USP12: variants seen among roughly 807,000 people sequenced by gnomAD.
USP12 encodes ubiquitin carboxyl-terminal hydrolase 12.
Under a neutral mutation model 45.5 loss-of-function variants are expected in USP12, and 19 were observed. That is an observed-to-expected ratio of 0.42 (90% CI 0.29 to 0.61). USP12 has a LOEUF of 0.61. Ranked by LOEUF, USP12 falls within the 20% of genes least tolerant of loss-of-function variation. The pLI, the probability that USP12 is intolerant of heterozygous loss-of-function variation, is 0.22. For missense variants in USP12, 242 were observed against 447.7 expected (o/e 0.54, Z 4.15); for synonymous variants, 149 against 148.8 (o/e 1.00, Z -0.01).
chr13:27,096,351 G>A (rs1874582373), intron 3 of USP12, among the ~76,000 whole-genome samples: 1 of 152,170 alleles, frequency 6.6e-6, no homozygotes, highest in African/African-American at 2.4e-5. Flanking sequence ...TGTAGAGTCA[G>A]GTTTAAGAAT....
intron 3 of USP12, among the ~76,000 whole-genome samples, chr13:27,098,366 T>TTA (rs1555234105): frequency 1.3e-5 from 2 of 150,194 alleles, no homozygotes; most frequent in Middle Eastern, 3.4e-3. Context: ...ACAGAATATT[T>TTA]AAAAAAAAAC....
intron 1 of USP12, among the ~76,000 whole-genome samples, chr13:27,158,604 A>G (rs745690203): frequency 2.0e-4 from 30 of 152,182 alleles, no homozygotes; most frequent in Non-Finnish European, 4.3e-4. Flanking sequence ...ACTGTACTGG[A>G]TCCTGTAGGT....
intron 1 of USP12, among the ~76,000 whole-genome samples, chr13:27,147,763 A>G (rs998922772): frequency 2.6e-5 from 4 of 151,054 alleles, no homozygotes; most frequent in Non-Finnish European, 4.4e-5. Flanking sequence ...CAAAGAAAGG[A>G]AAAAAAAAAT....
chr13:27,077,915 A>G (rs1252731831), intron 6 of USP12: 1 of 152,146 alleles, frequency 6.6e-6, no homozygotes, highest in Non-Finnish European at 1.5e-5. Flanking sequence ...TTTAAAAAAA[A>G]AAGTGGTCTT....
chr13:27,106,844 CT>C (rs60193498), intron 2 of USP12, among the ~76,000 whole-genome samples: 7,486 of 151,918 alleles, frequency 0.049, 231 homozygotes, highest in Middle Eastern at 0.058. Flanking sequence ...TTTGTACCCC[CT>C]ATCTTTTCTA....
At chr13:27,156,582 C>T (rs1877853751) in intron 1 of USP12, among the ~76,000 whole-genome samples, 1 of 152,214 alleles carries the variant, frequency 6.6e-6, no homozygotes, top group Non-Finnish European at 1.5e-5. Context: ...CTTTGGGAAG[C>T]CAAGACAGGC....
At chr13:27,074,953 A>C (rs911236493) in intron 7 of USP12, among the ~76,000 whole-genome samples, 5 of 152,206 alleles carry the variant, frequency 3.3e-5, no homozygotes, top group African/African-American at 9.6e-5. Flanking sequence ...GTTCTAGGAA[A>C]TCAGATATAG....
At position 27,069,092 on chromosome 13, in the gene USP12, G is replaced by A. The variant is rs1185049572; in HGVS notation, c.*191C>T. 4 of 613,688 alleles carry A rather than the reference G, an allele frequency of 6.5e-6. No homozygotes were observed. Among genetic ancestry groups the A allele is most frequent in the Non-Finnish European group, 1.2e-5 (4 of 346,980 alleles). The allele number at this position is 613,688 out of a possible 1,614,324, so 38.0% of individuals were successfully genotyped here. ...GAACTGTACAGACAGCATGATACCT[G>A]AGCAAATAAATCAACTACCATGATC... On this transcript the variant is annotated 3_prime_UTR_variant, in exon 9 of 9. Transcript: ENST00000282344.
At chr13:27,093,216 C>T (rs1874402232) in intron 4 of USP12, among the ~76,000 whole-genome samples, 2 of 150,194 alleles carry the variant, frequency 1.3e-5, no homozygotes, top group African/African-American at 2.4e-5. Context: ...CTGCCAAAAA[C>T]AGTGTTAAAA....
At position 27,067,488 on chromosome 13, in the gene USP12, A is replaced by C. The variant is rs1218128415; in HGVS notation, c.*1795T>G. 1 of 152,220 alleles carries C rather than the reference A, an allele frequency of 6.6e-6. No individual in the cohort carries two copies. Among genetic ancestry groups the C allele is most frequent in the Non-Finnish European group, 1.5e-5 (1 of 68,040 alleles). 9.4% of individuals were successfully genotyped at this position (152,220 alleles called of 1,614,324 possible). On this transcript the variant is annotated 3_prime_UTR_variant, in exon 9 of 9. Coordinates refer to ENST00000282344, the MANE Select transcript of USP12 (RefSeq NM_182488.4). Reference sequence around the variant, plus strand: ...AGGCTTTAGGAACTATCTTAAAAAGAAACTTGTCAAAATACTTTTTGATAT... The same window carrying C: ...AGGCTTTAGGAACTATCTTAAAAAGCAACTTGTCAAAATACTTTTTGATAT...
At chr13:27,101,872 T>G (rs1190072847) in intron 3 of USP12, among the ~76,000 whole-genome samples, 1 of 152,166 alleles carries the variant, frequency 6.6e-6, no homozygotes, top group East Asian at 1.9e-4. Context: ...AGACTTAAAT[T>G]TATCTGTTTT....
At chr13:27,152,884 G>A (rs1877638835) in intron 1 of USP12, among the ~76,000 whole-genome samples, 2 of 146,762 alleles carry the variant, frequency 1.4e-5, no homozygotes, top group South Asian at 4.2e-4. Context: ...GGAGCTTGCA[G>A]TGAGTGGATA....
At chr13:27,087,823 G>A (rs943744242) in intron 6 of USP12, among the ~76,000 whole-genome samples, 1 of 152,206 alleles carries the variant, frequency 6.6e-6, no homozygotes, top group Non-Finnish European at 1.5e-5. Flanking sequence ...CCAGACTGGA[G>A]ATAATGTGAG....
chr13:27,145,931 G>A (rs1877288456), intron 1 of USP12, among the ~76,000 whole-genome samples: 1 of 152,066 alleles, frequency 6.6e-6, no homozygotes, highest in Admixed American at 6.6e-5. Context: ...TCCAGATTTT[G>A]TTTTAAAAAT....
chr13:27,154,638 T>C (rs2137835335), intron 1 of USP12, among the ~76,000 whole-genome samples: 1 of 152,248 alleles, frequency 6.6e-6, no homozygotes, highest in African/African-American at 2.4e-5. Flanking sequence ...ATACATTTTT[T>C]AAAGTTAAAA....
intron 3 of USP12, among the ~76,000 whole-genome samples, chr13:27,096,825 G>A (rs1243206450): frequency 3.9e-5 from 6 of 152,164 alleles, no homozygotes; most frequent in Non-Finnish European, 7.4e-5. Flanking sequence ...GATCCTCAAT[G>A]TACATTTAAT....
At chr13:27,161,824 A>G (rs1471523895) in intron 1 of USP12, among the ~76,000 whole-genome samples, 1 of 151,820 alleles carries the variant, frequency 6.6e-6, no homozygotes, top group Non-Finnish European at 1.5e-5. Flanking sequence ...AGAGGTTTCA[A>G]TGAGGCGAGA....
intron 1 of USP12, among the ~76,000 whole-genome samples, chr13:27,161,777 G>A (rs1878116935): frequency 1.3e-5 from 2 of 152,002 alleles, no homozygotes; most frequent in South Asian, 4.2e-4. Flanking sequence ...AGATACTTGG[G>A]AGGCTCAGGC....
Position 27,146,421 on chromosome 13 carries a change from A to G in USP12, c.48+25171T>C, listed in dbSNP as rs374398450. 5.9e-5 allele frequency among the ~76,000 whole-genome samples: 9 copies of G among 152,174 alleles called. No homozygotes were observed. The East Asian group carries it at 1.4e-3, about 23-fold the overall frequency. ...TGTCTCAAAAAAAAGCACCTATGTA[A>G]TAACGCACACGGCTAAAGGCTAGGG... On this transcript the variant is annotated intron_variant, in intron 1 of 8. Coordinates refer to ENST00000282344, the MANE Select transcript of USP12 (RefSeq NM_182488.4).
Sources: allele counts gnomAD v4.1 joint callset (sites outside exome capture counted in the v4.1 genomes callset), GRCh38; gene constraint gnomAD v4.1.1; transcripts MANE v1.5; gene names NCBI Gene and HGNC (gene_info 2026-07-23, HGNC 2026-07-21).